Variants in SLC9A4 observed in about 807,000 individuals in gnomAD.
SLC9A4 encodes sodium/hydrogen exchanger 4.
SLC9A4 carries 63 observed loss-of-function variants against 67.4 expected under a neutral mutation model. The observed-to-expected ratio is 0.93, with a 90% CI of 0.76 to 1.15. The LOEUF is 1.15. Ranked by LOEUF, SLC9A4 falls within the 50% of genes most tolerant of loss-of-function variation. SLC9A4 has a pLI of 0.00. For missense variants in SLC9A4, 1,089 were observed against 987.7 expected (o/e 1.10, Z -1.38); for synonymous variants, 393 against 367.2 (o/e 1.07, Z -0.80).
chr2:102,516,035 G>A (rs765265794), intron 8 of SLC9A4, among the ~76,000 whole-genome samples: 6 of 152,176 alleles, frequency 3.9e-5, no homozygotes, highest in Non-Finnish European at 8.8e-5. Flanking sequence ...CCTTGGTTTC[G>A]GAAGGTATGG....
intron 9 of SLC9A4, among the ~76,000 whole-genome samples, chr2:102,520,477 C>T (rs1685381664): frequency 6.6e-6 from 1 of 152,166 alleles, no homozygotes; most frequent in African/African-American, 2.4e-5. Flanking sequence ...GGACCTGGTC[C>T]AAAGTGCATA....
At position 102,532,374 on chromosome 2, in the gene SLC9A4, G is replaced by T. The variant is rs769508547; in HGVS notation, c.2083G>T (p.Ala695Ser). ...DPGSPSITFS[A>S]CSRIGSLQKQ... is the part of the protein sequence containing the mutation. ...AGGATCCCCATCCATCACGTTCAGCGCATGCTCTCGGATAGGGTCACTTCA... is the reference window on the plus strand; with the variant it reads ...AGGATCCCCATCCATCACGTTCAGCTCATGCTCTCGGATAGGGTCACTTCA... The change falls in exon 12 of 12, where the codon GCA becomes TCA. Residue 695 changes from alanine to serine, a missense_variant. Coordinates refer to ENST00000295269, the MANE Select transcript of SLC9A4 (RefSeq NM_001011552.4). 3.1e-6 allele frequency: 5 copies of T among 1,613,996 alleles called. No individual in the cohort carries two copies. The highest frequency in any genetic ancestry group is 1.3e-5 in the African/African-American group (1 of 74,924).
intron 2 of SLC9A4, among the ~76,000 whole-genome samples, chr2:102,500,150 C>T (rs1684894974): frequency 6.6e-6 from 1 of 152,114 alleles, no homozygotes; most frequent in African/African-American, 2.4e-5. Context: ...GCCTGATGTC[C>T]TTATAAGAAG....
At chr2:102,491,317 CTTTTTTTTTTTTTTTTTTT>C (rs61708027) in intron 2 of SLC9A4, among the ~76,000 whole-genome samples, 1 of 45,740 alleles carries the variant, frequency 2.2e-5, no homozygotes, top group East Asian at 9.1e-4. Context: ...TGTACTAATG[CTTTTTTTTTTTTTTTTTTT>C]TTTTTTTTTT....
chr2:102,479,672 C>G (rs1684419022), intron 2 of SLC9A4, among the ~76,000 whole-genome samples: 1 of 152,214 alleles, frequency 6.6e-6, no homozygotes, highest in South Asian at 2.1e-4. Context: ...TCCTCTCCAT[C>G]ATCAGACCTC....
Position 102,526,409 on chromosome 2 carries a change from G to A in SLC9A4, c.2038+63G>A, listed in dbSNP as rs370852317. ...AGAGTCAGGTGGTAAATATCTGGGG[G>A]TGTGGGCCAAGAGGCAACATTAAGA... On this transcript the variant is annotated intron_variant, in intron 11 of 11. Transcript: ENST00000295269. 1.9e-5 allele frequency: 28 copies of A among 1,509,364 alleles called. No homozygotes were observed. In the South Asian group the frequency reaches 2.9e-4, roughly 16 times the overall value. 93.5% of individuals were successfully genotyped at this position (1,509,364 alleles called of 1,614,324 possible).
At chr2:102,484,129 T>A (rs1040666072) in intron 2 of SLC9A4, among the ~76,000 whole-genome samples, 2 of 152,116 alleles carry the variant, frequency 1.3e-5, no homozygotes, top group African/African-American at 4.8e-5. Context: ...CTAAGAGGCA[T>A]GACCAAGTGC....
At chr2:102,522,044 C>T (rs1314340397) in intron 9 of SLC9A4, among the ~76,000 whole-genome samples, 1 of 152,180 alleles carries the variant, frequency 6.6e-6, no homozygotes, top group African/African-American at 2.4e-5. Flanking sequence ...AAGGGACTCA[C>T]CTCTGGAGGT....
At chr2:102,509,878 G>C (rs911907963) in intron 6 of SLC9A4, among the ~76,000 whole-genome samples, 1 of 152,142 alleles carries the variant, frequency 6.6e-6, no homozygotes, top group Admixed American at 6.5e-5. Context: ...AGGAGTCATC[G>C]ATACTAAGCA....
chr2:102,527,525 T>C (rs1311381236), intron 11 of SLC9A4, among the ~76,000 whole-genome samples: 1 of 152,220 alleles, frequency 6.6e-6, no homozygotes, highest in Non-Finnish European at 1.5e-5. Flanking sequence ...CAATGATACA[T>C]ATTAAGGGCT....
Position 102,473,898 on chromosome 2 carries a change from G to A in SLC9A4, c.139G>A (p.Ala47Thr), listed in dbSNP as rs764564863. 16 of 1,614,084 alleles carry A rather than the reference G, an allele frequency of 9.9e-6. No individual in the cohort carries two copies. The highest frequency in any genetic ancestry group is 3.3e-4 in the Middle Eastern group (2 of 6,062). Residue 47 changes from alanine to threonine, a missense_variant, in exon 1 of 12, where the codon GCT becomes ACT. Physicochemically the swap from Ala to Thr is moderately conservative, Grantham distance 58. Transcript: ENST00000295269. ...TAQYASNAWF[A>T]AASSEPEEGI... ...TCAGTATGCATCTAACGCTTGGTTT[G>A]CTGCTGCCAGCTCAGAGCCAGAGGA...
intron 2 of SLC9A4, among the ~76,000 whole-genome samples, chr2:102,493,105 GT>G (rs1553412103): frequency 2.6e-5 from 4 of 152,188 alleles, no homozygotes; most frequent in Non-Finnish European, 5.9e-5. Context: ...CATTCAACAA[GT>G]CTTTAGGAAG....
At position 102,489,033 on chromosome 2, in the gene SLC9A4, A is replaced by T. The variant is rs116805801; in HGVS notation, c.720+9731A>T. On this transcript the variant is annotated intron_variant, in intron 2 of 11. Coordinates refer to ENST00000295269, the MANE Select transcript of SLC9A4 (RefSeq NM_001011552.4). ...GCAATCTCCCTCTCAGAAAAAGCAA[A>T]TTACAGAGCTAGTCTTTAGTGAGTT... Among the ~76,000 whole-genome samples, 546 of 152,318 alleles carry T rather than the reference A, an allele frequency of 3.6e-3. 5 individuals carry two copies. The highest frequency in any genetic ancestry group is 0.013 in the African/African-American group (524 of 41,568).
intron 11 of SLC9A4, among the ~76,000 whole-genome samples, chr2:102,527,783 T>A (rs3849364): frequency 1.3e-5 from 2 of 151,976 alleles, no homozygotes; most frequent in Non-Finnish European, 2.9e-5. Context: ...GCATAAAATT[T>A]ATATGTCAGA....
At position 102,508,070 on chromosome 2, in the gene SLC9A4, C is replaced by A. The variant is rs745591396; in HGVS notation, c.1199-9C>A. Reference sequence around the variant, plus strand: ...TCCTCTGCTCTAATACACGTTTCCCCCTTTCTAGGCGTATTTGCTCTCTTC... The same window carrying A: ...TCCTCTGCTCTAATACACGTTTCCCACTTTCTAGGCGTATTTGCTCTCTTC... On this transcript the variant is annotated splice_polypyrimidine_tract_variant and intron_variant, in intron 4 of 11. Coordinates refer to ENST00000295269, the MANE Select transcript of SLC9A4 (RefSeq NM_001011552.4). 8 of 1,613,892 alleles carry A rather than the reference C, an allele frequency of 5.0e-6. No homozygotes were observed. The highest frequency in any genetic ancestry group is 5.9e-6 in the Non-Finnish European group (7 of 1,179,798).
rs372761774 is a variant in SLC9A4 at position 102,514,196 on chromosome 2, A to T, written c.1666A>T (p.Ile556Phe). Reference protein sequence around the residue: ...LYKKLEMKQAIEMVETGILSS... With the variant: ...LYKKLEMKQAFEMVETGILSS... ...CAAGAAGCTGGAAATGAAGCAAGCC[A>T]TCGAGATGGTGGAGACTGGGATACT... Residue 556 changes from isoleucine (I) to phenylalanine (F), a missense_variant, in exon 8 of 12, where the codon ATC (isoleucine) becomes TTC (phenylalanine). Coordinates refer to ENST00000295269, the MANE Select transcript of SLC9A4 (RefSeq NM_001011552.4). The T allele has an allele frequency of 1.9e-5, 31 of 1,614,052 alleles. No homozygotes were observed. The African/African-American group carries it at 3.3e-4, about 17-fold the overall frequency.
chr2:102,474,105 T>A, intron 1 of SLC9A4, 90 bp downstream of exon 1: 1 of 1,437,554 alleles, frequency 7.0e-7, no homozygotes, highest in Non-Finnish European at 9.4e-7. Flanking sequence ...GCTAAGAGGA[T>A]TTTAACTGTT....
intron 2 of SLC9A4, among the ~76,000 whole-genome samples, chr2:102,487,245 C>T (rs1558661228): frequency 6.7e-6 from 1 of 149,860 alleles, no homozygotes; most frequent in Non-Finnish European, 1.5e-5. Flanking sequence ...GAGAGAGAAA[C>T]AGAGAGAGAG....
chr2:102,514,085 T>C lies in SLC9A4; in HGVS notation c.1560-5T>C. ...GATTTCCAAAATGTTGGTTTTCATTTTTAGGTTTAAGAAGTTTGATCATAG... is the reference window on the plus strand; with the variant it reads ...GATTTCCAAAATGTTGGTTTTCATTCTTAGGTTTAAGAAGTTTGATCATAG... On this transcript the variant is annotated splice_region_variant and splice_polypyrimidine_tract_variant and intron_variant, in intron 7 of 11. Transcript: ENST00000295269. 3 of 1,609,374 alleles carry C rather than the reference T, an allele frequency of 1.9e-6. No homozygotes were observed. Among genetic ancestry groups the C allele is most frequent in the African/African-American group, 2.7e-5 (2 of 74,546 alleles).
Sources: allele counts gnomAD v4.1 joint callset (sites outside exome capture counted in the v4.1 genomes callset), GRCh38; gene constraint gnomAD v4.1.1; transcripts MANE v1.5; gene names NCBI Gene and HGNC (gene_info 2026-07-23, HGNC 2026-07-21).